The following ANXA10 variants were observed in gnomAD, a reference collection of about 807,000 sequenced individuals.
The protein encoded by ANXA10 is annexin A10.
In ANXA10, 49 loss-of-function variants were observed where a neutral mutation model predicts 53.5. The observed-to-expected ratio is 0.92, with a 90% CI of 0.73 to 1.16. The LOEUF is 1.16. Among genes scored for constraint, ANXA10 ranks in the 50% most tolerant of loss-of-function variants. ANXA10 has a pLI of 0.00. For synonymous variants in ANXA10, 131 were observed against 128.9 expected, an observed-to-expected ratio of 1.02 and a Z score of -0.11; for missense variants, 393 against 394.4, an observed-to-expected ratio of 1.00 and a Z score of 0.03.
chr4:168,128,748 A>G (rs142225211), intron 2 of ANXA10, among the ~76,000 whole-genome samples: 4 of 152,104 alleles, frequency 2.6e-5, no homozygotes, highest in African/African-American at 9.6e-5. Flanking sequence ...CCAACCCCCC[A>G]GGCACCTTAC....
At position 168,102,835 on chromosome 4, in the gene ANXA10, T is replaced by C. The variant is rs1046467160; in HGVS notation, c.18+10117T>C. On this transcript the variant is annotated intron_variant, in intron 1 of 11. Transcript: ENST00000359299. ...CAGTACGTTTAGCTTTAGAAAAAAC[T>C]GGCAAACTGTTTTCCCAAAGTGACT... Among the ~76,000 whole-genome samples, 26 of 152,232 alleles carry C rather than the reference T, an allele frequency of 1.7e-4. No homozygotes were observed. In the East Asian group the frequency reaches 2.5e-3, roughly 15 times the overall value.
chr4:168,132,081 T>A (rs963653375), intron 2 of ANXA10, among the ~76,000 whole-genome samples: 58 of 152,146 alleles, frequency 3.8e-4, no homozygotes, highest in African/African-American at 1.3e-3. Context: ...CTCAAAAAAA[T>A]TAAAAAGTGA....
intron 2 of ANXA10, among the ~76,000 whole-genome samples, chr4:168,131,011 T>G (rs1434687037): frequency 1.3e-5 from 2 of 151,956 alleles, no homozygotes; most frequent in Admixed American, 1.3e-4. Flanking sequence ...ATTGCTCTAA[T>G]CTTTCTTTTC....
At chr4:168,178,475 TTG>T (rs996441505) in intron 8 of ANXA10, among the ~76,000 whole-genome samples, 2 of 152,146 alleles carry the variant, frequency 1.3e-5, no homozygotes, top group Admixed American at 1.3e-4. Flanking sequence ...AAAAAAAATT[TTG>T]TTTTTTTCTA....
rs1475855981 is a variant in ANXA10 at position 168,138,022 on chromosome 4, C to T, written c.101-1464C>T. 4.7e-5 allele frequency among the ~76,000 whole-genome samples: 7 copies of T among 148,612 alleles called. No homozygotes were observed. In the East Asian group the frequency reaches 1.4e-3, roughly 30 times the overall value. ...TGTTGCCCAGGCTGGAGTGCAGTGG[C>T]GTGATCTCGGCACACTGCAACTTCC... On this transcript the variant is annotated intron_variant, in intron 2 of 11. Transcript: ENST00000359299.
At chr4:168,095,011 G>T (rs914123600) in intron 1 of ANXA10, among the ~76,000 whole-genome samples, 6 of 151,922 alleles carry the variant, frequency 3.9e-5, no homozygotes, top group African/African-American at 1.4e-4. Context: ...TGATATATTA[G>T]TCAGATATAA....
At chr4:168,179,407 T>C in intron 9 of ANXA10, 95 bp downstream of exon 9, 2 of 824,534 alleles carry the variant, frequency 2.4e-6, no homozygotes, top group South Asian at 1.7e-5. Context: ...AGTAAGCTCT[T>C]GATCGAGTCA....
intron 4 of ANXA10, among the ~76,000 whole-genome samples, chr4:168,163,743 CA>C (rs1560787326): frequency 6.6e-6 from 1 of 152,090 alleles, no homozygotes; most frequent in Non-Finnish European, 1.5e-5. Flanking sequence ...AATATTTATG[CA>C]AATTGTACAA....
chr4:168,126,225 G>T (rs1269198509), intron 1 of ANXA10, among the ~76,000 whole-genome samples: 1 of 152,054 alleles, frequency 6.6e-6, no homozygotes, highest in African/African-American at 2.4e-5. Context: ...AGGGTAAACT[G>T]CCATTATTAG....
At chr4:168,147,902 A>G (rs1454372205) in intron 3 of ANXA10, among the ~76,000 whole-genome samples, 3 of 152,202 alleles carry the variant, frequency 2.0e-5, no homozygotes, top group Non-Finnish European at 2.9e-5. Context: ...GAGGGAAGGA[A>G]AAGTTCAGGG....
chr4:168,112,851 T>C (rs1397424034), intron 1 of ANXA10, among the ~76,000 whole-genome samples: 1 of 152,030 alleles, frequency 6.6e-6, no homozygotes, highest in African/African-American at 2.4e-5. Context: ...TGAAATCCTG[T>C]CTCTACTAAA....
intron 3 of ANXA10, 29 bp from the exon 4 acceptor site, chr4:168,162,498 TA>T (rs1254060550): frequency 6.6e-7 from 1 of 1,515,946 alleles, no homozygotes; most frequent in Non-Finnish European, 9.1e-7. Context: ...TGGTAACATA[TA>T]ATAAATATAT....
intron 2 of ANXA10, among the ~76,000 whole-genome samples, chr4:168,136,636 GC>G (rs1289273220): frequency 6.6e-6 from 1 of 152,102 alleles, no homozygotes; most frequent in African/African-American, 2.4e-5. Flanking sequence ...AGGAAGCTCC[GC>G]CCCCATGGCT....
At chr4:168,111,249 T>C (rs1163852432) in intron 1 of ANXA10, among the ~76,000 whole-genome samples, 2 of 152,084 alleles carry the variant, frequency 1.3e-5, no homozygotes, top group African/African-American at 2.4e-5. Flanking sequence ...GATTCAGGAG[T>C]GCATGCATTC....
At chr4:168,169,897 A>C (rs1056576491) in intron 6 of ANXA10, among the ~76,000 whole-genome samples, 1 of 152,194 alleles carries the variant, frequency 6.6e-6, no homozygotes, top group African/African-American at 2.4e-5. Context: ...TTAGGATCAC[A>C]GTGTATTTTT....
At chr4:168,118,627 G>T (rs549133323) in intron 1 of ANXA10, among the ~76,000 whole-genome samples, 5 of 152,204 alleles carry the variant, frequency 3.3e-5, no homozygotes, top group African/African-American at 1.2e-4. Flanking sequence ...CTCAAAAAGG[G>T]TGTACTCTCC....
intron 4 of ANXA10, among the ~76,000 whole-genome samples, 157 bp from the exon 5 acceptor site, chr4:168,164,041 C>A (rs1268236207): frequency 6.6e-6 from 1 of 152,150 alleles, no homozygotes; most frequent in Non-Finnish European, 1.5e-5. Context: ...AATGGCAAAG[C>A]TGAAACTAAG....
At chr4:168,110,211 T>C (rs925466094) in intron 1 of ANXA10, among the ~76,000 whole-genome samples, 2 of 152,178 alleles carry the variant, frequency 1.3e-5, no homozygotes, top group African/African-American at 4.8e-5. Context: ...AGACTCCTTC[T>C]CAAAAAATAA....
At chr4:168,143,097 A>T (rs926352937) in intron 3 of ANXA10, among the ~76,000 whole-genome samples, 3 of 152,060 alleles carry the variant, frequency 2.0e-5, no homozygotes, top group Non-Finnish European at 4.4e-5. Flanking sequence ...GTTAAAATGA[A>T]TCTACACCAA....
Sources: gnomAD v4.1 joint callset for allele counts (sites outside exome capture counted in the v4.1 genomes callset) on GRCh38, gnomAD v4.1.1 for gene constraint, MANE v1.5 for transcripts, NCBI Gene and HGNC (gene_info 2026-07-23, HGNC 2026-07-21) for gene names.